The following ANXA11 variants were observed in gnomAD, a reference collection of about 807,000 sequenced individuals.
ANXA11 encodes the protein 56 kDa autoantigen.
A neutral mutation model predicts 64.7 loss-of-function variants in ANXA11; 57 were observed. The observed-to-expected ratio is 0.88, with a 90% CI of 0.71 to 1.10. ANXA11 has a LOEUF of 1.10. ANXA11 is among the 50% of genes least tolerant of loss of function. The probability of loss-of-function intolerance (pLI) is 0.00; values close to 1 mark genes in which losing one functional copy is unlikely to be tolerated. For synonymous variants in ANXA11, 260 were observed against 265.2 expected (o/e 0.98, Z 0.19); for missense variants, 675 against 670.7 (o/e 1.01, Z -0.07).
chr10:80,175,420 C>T (rs1846135150), intron 2 of ANXA11, among the ~76,000 whole-genome samples: 1 of 152,044 alleles, frequency 6.6e-6, no homozygotes. Flanking sequence ...GAAATGAAGC[C>T]AAAAGCTCCA....
chr10:80,156,199 C>T, intron 15 of ANXA11, among the ~76,000 whole-genome samples: 1 of 152,246 alleles, frequency 6.6e-6, no homozygotes, highest in East Asian at 1.9e-4. Context: ...CTTCCCAGGG[C>T]TAACCAATAT....
rs1174904070 is a variant in ANXA11, at chr10:80,163,630, AG to A, written c.950-18del. On this transcript the variant is annotated intron_variant, in intron 9 of 15. Coordinates refer to ENST00000422982, the MANE Select transcript of ANXA11 (RefSeq NM_145868.2). ...TTTTGAATTCTGAAAGGGAGAAGCA[AG>A]GAAGGTCCATCCTGTAGCTCTCTTT... 6.5e-7 allele frequency: 1 copy of A among 1,549,614 alleles called. No individual in the cohort carries two copies.
intron 1 of ANXA11, among the ~76,000 whole-genome samples, chr10:80,202,206 C>T (rs2251729): frequency 1.4e-5 from 2 of 147,050 alleles, no homozygotes; most frequent in Admixed American, 1.4e-4. Flanking sequence ...GGGGGGGAAG[C>T]GGGGGGTCTC....
chr10:80,159,959 CT>C (rs1427857739), intron 12 of ANXA11, among the ~76,000 whole-genome samples: 12 of 152,214 alleles, frequency 7.9e-5, no homozygotes, highest in Admixed American at 2.0e-4. Flanking sequence ...TGGCTTCTTG[CT>C]GCTCACCTCG....
At chr10:80,188,416 C>T (rs1239297672) in intron 1 of ANXA11, among the ~76,000 whole-genome samples, 2 of 99,042 alleles carry the variant, frequency 2.0e-5, no homozygotes, top group African/African-American at 8.8e-5. Flanking sequence ...CCTTTCTCCT[C>T]ACCTGTGAAA....
intron 12 of ANXA11, among the ~76,000 whole-genome samples, chr10:80,160,616 C>G (rs76650132): frequency 6.6e-6 from 1 of 152,004 alleles, no homozygotes. Context: ...CCTCCTCCCT[C>G]CCTAGCTGCT....
Position 80,168,684 on chromosome 10 carries a change from C to T in ANXA11, c.561+285G>A, listed in dbSNP as rs578027938. 1.1e-4 allele frequency among the ~76,000 whole-genome samples: 16 copies of T among 152,128 alleles called. No individual in the cohort carries two copies. In the East Asian group the frequency reaches 3.1e-3, roughly 29 times the overall value. ...GAGTAGCTGGGCCTACAGGTATGCA[C>T]CACCATGCCCAGCTAATTTTTTTTC... On this transcript the variant is annotated intron_variant, in intron 5 of 15. Transcript: ENST00000422982.
In ANXA11 at chr10:80,203,044, CAAAAAA is replaced by C. The variant is rs11444706; in HGVS notation, c.-58+2293_-58+2298del. 1.3e-4 allele frequency among the ~76,000 whole-genome samples: 11 copies of C among 85,242 alleles called. No individual in the cohort carries two copies. The Middle Eastern group carries it at 0.026, about 202-fold the overall frequency. The allele number at this position is 85,242 out of a possible 152,430, so 55.9% of individuals were successfully genotyped here. On this transcript the variant is annotated intron_variant, in intron 1 of 15. Coordinates refer to ENST00000422982, the MANE Select transcript of ANXA11 (RefSeq NM_145868.2). Reference sequence around the variant, plus strand: ...CTGGGTGACAGGGCGAAATCTGTCTCAAAAAAAAAAAAAAAAAAAAAGACAGCAGAA... The same window carrying C: ...CTGGGTGACAGGGCGAAATCTGTCTCAAAAAAAAAAAAAAAGACAGCAGAA...
chr10:80,172,613 T>C (rs986450241), intron 3 of ANXA11, among the ~76,000 whole-genome samples, 194 bp downstream of exon 3: 2 of 152,146 alleles, frequency 1.3e-5, no homozygotes, highest in East Asian at 3.9e-4. Context: ...AGGCCTCCGA[T>C]GGCCTTAGTG....
intron 1 of ANXA11, chr10:80,195,591 T>C (rs886647073): frequency 1.3e-5 from 2 of 152,894 alleles, no homozygotes; most frequent in African/African-American, 2.4e-5. Flanking sequence ...GTGGTCCCTC[T>C]AGCTGGTCTG....
intron 1 of ANXA11, among the ~76,000 whole-genome samples, chr10:80,200,386 A>G (rs1840368707): frequency 6.6e-6 from 1 of 152,246 alleles, no homozygotes; most frequent in African/African-American, 2.4e-5. Flanking sequence ...ATCCTTGGCC[A>G]TGTATTCTCC....
rs1434912035 is a variant in ANXA11 at position 80,152,350 on chromosome 10, G to C, written c.*3503C>G. 6.6e-6 allele frequency: 1 copy of C among 152,266 alleles called. No individual in the cohort carries two copies. The highest frequency in any genetic ancestry group is 2.4e-5 in the African/African-American group (1 of 41,458). The allele number at this position is 152,266 out of a possible 1,614,324, so 9.4% of individuals were successfully genotyped here. ...CTCCCACTGACCTTGGAAGGCAGTA[G>C]GTGCCTTTGCCTCTGGGAAGATCAT... On this transcript the variant is annotated 3_prime_UTR_variant, in exon 16 of 16. Coordinates refer to ENST00000422982, the MANE Select transcript of ANXA11 (RefSeq NM_145868.2).
chr10:80,189,710 T>C (rs547413533), intron 1 of ANXA11, among the ~76,000 whole-genome samples: 2 of 152,348 alleles, frequency 1.3e-5, no homozygotes, highest in East Asian at 3.9e-4. Context: ...GAGCGTCATG[T>C]TGGAGCTCAC....
intron 1 of ANXA11, among the ~76,000 whole-genome samples, chr10:80,197,923 C>CA (rs532001963): frequency 0.19 from 26,383 of 142,032 alleles, 2,851 homozygotes; most frequent in East Asian, 0.44. Flanking sequence ...GACTCCGTCT[C>CA]AAAAAAAAAA....
rs778842350 is a variant in ANXA11 at position 80,157,619 on chromosome 10, T to C, written c.1458+22A>G. 62 of 1,605,634 alleles carry C rather than the reference T, an allele frequency of 3.9e-5. 1 individual carries two copies. The Middle Eastern group carries it at 1.8e-3, about 47-fold the overall frequency. On this transcript the variant is annotated intron_variant, in intron 15 of 15. Transcript: ENST00000422982. ...ACTGAGATGCCAAAAGGGAGCCCAG[T>C]TGGCCTGCAGCAGGCCCGTACCGAG...
chr10:80,200,612 A>G (rs1291084749), intron 1 of ANXA11, among the ~76,000 whole-genome samples: 1 of 152,256 alleles, frequency 6.6e-6, no homozygotes, highest in Non-Finnish European at 1.5e-5. Flanking sequence ...CAGCCAGGCA[A>G]GCAGGGATAT....
intron 1 of ANXA11, among the ~76,000 whole-genome samples, chr10:80,193,060 G>A (rs550171987): frequency 3.3e-5 from 5 of 152,244 alleles, no homozygotes; most frequent in South Asian, 4.2e-4. Context: ...GCAGGCCTGC[G>A]GAGCAACCAG....
intron 3 of ANXA11, 60 bp from the exon 4 acceptor site, chr10:80,170,975 AGAGAT>A (rs1319424514): frequency 6.5e-7 from 1 of 1,539,150 alleles, no homozygotes; most frequent in Non-Finnish European, 8.7e-7. Context: ...GGGGAAAGGC[AGAGAT>A]GAGAGCTCCC....
At chr10:80,168,780 G>A (rs2132410243) in intron 5 of ANXA11, among the ~76,000 whole-genome samples, 189 bp downstream of exon 5, 1 of 152,172 alleles carries the variant, frequency 6.6e-6, no homozygotes, top group African/African-American at 2.4e-5. Flanking sequence ...CAAGCGATCT[G>A]CCCACCTCAG....
Sources: gnomAD v4.1 joint callset for allele counts (sites outside exome capture counted in the v4.1 genomes callset) on GRCh38, gnomAD v4.1.1 for gene constraint, MANE v1.5 for transcripts, NCBI Gene and HGNC (gene_info 2026-07-23, HGNC 2026-07-21) for gene names.